The following RNF38 variants were observed in gnomAD, a reference collection of about 807,000 sequenced individuals.
The protein encoded by RNF38 is E3 ubiquitin-protein ligase RNF38.
In RNF38, 15 loss-of-function variants were observed where a neutral mutation model predicts 67.2. The observed-to-expected ratio is 0.22, with a 90% CI of 0.15 to 0.34. The LOEUF (loss-of-function observed/expected upper bound fraction) is 0.34, where lower values mean the gene tolerates loss of function less well. Ranked by LOEUF, RNF38 falls within the 10% of genes least tolerant of loss-of-function variation. The probability of loss-of-function intolerance (pLI) is 1.00; values close to 1 mark genes in which losing one functional copy is unlikely to be tolerated. For synonymous variants in RNF38, 220 were observed against 218.8 expected (o/e 1.01, Z -0.05); for missense variants, 524 against 639.9 (o/e 0.82, Z 1.95).
chr9:36,344,715 G>A (rs570866000), intron 10 of RNF38, 117 bp downstream of exon 10: 1 of 931,110 alleles, frequency 1.1e-6, no homozygotes, highest in African/African-American at 1.7e-5. Context: ...TGACTCCTAA[G>A]CATTTTCTTT....
chr9:36,350,810 C>T (rs1209511413), intron 9 of RNF38, among the ~76,000 whole-genome samples: 2 of 152,168 alleles, frequency 1.3e-5, no homozygotes, highest in Non-Finnish European at 2.9e-5. Flanking sequence ...AAGTGTTTAC[C>T]TAATACATGT....
chr9:36,475,748 T>C (rs1178726700), intron 1 of RNF38, among the ~76,000 whole-genome samples: 2 of 148,602 alleles, frequency 1.3e-5, no homozygotes, highest in East Asian at 2.1e-4. Context: ...CCGGGTGCGG[T>C]GGCTCACGCC....
At chr9:36,359,299 C>T (rs1587500782) in intron 4 of RNF38, among the ~76,000 whole-genome samples, 1 of 151,028 alleles carries the variant, frequency 6.6e-6, no homozygotes, top group Non-Finnish European at 1.5e-5. Flanking sequence ...TTAAATGTAG[C>T]CAGAGTGTAG....
At chr9:36,390,295 T>C (rs1587588972) in intron 2 of RNF38, among the ~76,000 whole-genome samples, 172 bp downstream of exon 2, 2 of 152,166 alleles carry the variant, frequency 1.3e-5, no homozygotes, top group South Asian at 2.1e-4. Flanking sequence ...AGACAAACAT[T>C]AGTCAGAAAA....
At chr9:36,348,530 G>A (rs925379293) in intron 9 of RNF38, among the ~76,000 whole-genome samples, 6 of 152,072 alleles carry the variant, frequency 3.9e-5, no homozygotes, top group Non-Finnish European at 7.4e-5. Flanking sequence ...GTGAACGCAC[G>A]AATAAGAAAG....
intron 1 of RNF38, among the ~76,000 whole-genome samples, chr9:36,396,868 CT>C (rs1348888314): frequency 6.6e-6 from 1 of 151,942 alleles, no homozygotes; most frequent in African/African-American, 2.4e-5. Flanking sequence ...TGTTACTACC[CT>C]TTGAGATCCA....
chr9:36,378,057 A>G (rs1196036010), intron 2 of RNF38, among the ~76,000 whole-genome samples: 1 of 151,330 alleles, frequency 6.6e-6, no homozygotes, highest in Non-Finnish European at 1.5e-5. Flanking sequence ...AAATATTCTG[A>G]TTTTTTTTAA....
At chr9:36,410,891 G>T (rs1367311242) in intron 2 of RNF38, among the ~76,000 whole-genome samples, 1 of 152,152 alleles carries the variant, frequency 6.6e-6, no homozygotes, top group East Asian at 1.9e-4. Context: ...GCAATGAGGA[G>T]TTATTGTTTA....
chr9:36,397,254 C>A (rs1300349639), intron 1 of RNF38, among the ~76,000 whole-genome samples: 1 of 151,930 alleles, frequency 6.6e-6, no homozygotes, highest in East Asian at 1.9e-4. Context: ...TAGCGGATTA[C>A]AGGTGCTGGT....
chr9:36,339,704 T>C lies in RNF38; in HGVS notation c.*48A>G. 4 of 1,446,366 alleles carry C rather than the reference T, an allele frequency of 2.8e-6. No homozygotes were observed. The highest frequency in any genetic ancestry group is 2.8e-5 in the African/African-American group (2 of 71,672). 89.6% of individuals were successfully genotyped at this position (1,446,366 alleles called of 1,614,324 possible). The stretch of plus-strand genomic sequence containing the variant: ...TTAAGTTCAATGGATAGTCCGTATA[T>C]ACATGTGATGAGGAACACCCAAACT... On this transcript the variant is annotated 3_prime_UTR_variant, in exon 12 of 12. Coordinates refer to ENST00000259605, the MANE Select transcript of RNF38 (RefSeq NM_022781.5).
chr9:36,473,843 C>T (rs1235822088), intron 1 of RNF38, among the ~76,000 whole-genome samples: 4 of 150,950 alleles, frequency 2.6e-5, no homozygotes, highest in African/African-American at 7.3e-5. Flanking sequence ...AAAAATTAGC[C>T]GGGCGTGGTG....
chr9:36,487,092 G>A (rs556186460), intron 1 of RNF38, among the ~76,000 whole-genome samples: 2 of 152,148 alleles, frequency 1.3e-5, no homozygotes, highest in Non-Finnish European at 2.9e-5. Context: ...TGCACACCCT[G>A]GGGGAGGGGG....
At chr9:36,357,752 T>A in intron 5 of RNF38, 23 bp downstream of exon 5, 2 of 1,596,410 alleles carry the variant, frequency 1.3e-6, no homozygotes, top group Non-Finnish European at 1.7e-6. Context: ...TAATATCTAA[T>A]GAGAACAAAG....
intron 1 of RNF38, among the ~76,000 whole-genome samples, chr9:36,441,468 A>T (rs1176316257): frequency 6.6e-6 from 1 of 151,956 alleles, no homozygotes; most frequent in African/African-American, 2.4e-5. Flanking sequence ...CTGGGATTAC[A>T]GGCACGCGCC....
At chr9:36,400,909 G>A (rs1328814305), upstream of RNF38, 12 of 403,874 alleles carry the variant, frequency 3.0e-5, no homozygotes, top group Non-Finnish European at 3.2e-5. Flanking sequence ...TCCCCGCCCC[G>A]CCGCGCCCCG....
chr9:36,417,709 C>A (rs1838512255), intron 2 of RNF38, among the ~76,000 whole-genome samples: 1 of 152,122 alleles, frequency 6.6e-6, no homozygotes, highest in African/African-American at 2.4e-5. Context: ...CAGGGTTTCA[C>A]CATGTTGGCC....
exon 1 of RNF38, chr9:36,487,385 C>T: frequency 1.0e-6 from 1 of 982,938 alleles, no homozygotes; most frequent in South Asian, 4.5e-5. Context: ...AGGGCTGAGG[C>T]GGTCCGTGGC....
Position 36,376,134 on chromosome 9 carries a change from A to G in RNF38, c.163-7T>C, listed in dbSNP as rs2133854821. On this transcript the variant is annotated splice_region_variant and splice_polypyrimidine_tract_variant and intron_variant, in intron 2 of 11. Coordinates refer to ENST00000259605, the MANE Select transcript of RNF38 (RefSeq NM_022781.5). ...GACTTGGACTATCTTCACTCTGCCA[A>G]TGCAACAAAATGGATCAACTGAGTA... 2.6e-6 allele frequency: 4 copies of G among 1,546,558 alleles called. No individual in the cohort carries two copies. The highest frequency in any genetic ancestry group is 3.5e-6 in the Non-Finnish European group (4 of 1,151,654).
At chr9:36,481,794 TC>T (rs1279513537) in intron 1 of RNF38, among the ~76,000 whole-genome samples, 1 of 151,574 alleles carries the variant, frequency 6.6e-6, no homozygotes, top group Non-Finnish European at 1.5e-5. Context: ...TGGTTTGTAC[TC>T]CCCCCTCCTC....
Sources: gnomAD v4.1 joint callset for allele counts (sites outside exome capture counted in the v4.1 genomes callset) on GRCh38, gnomAD v4.1.1 for gene constraint, MANE v1.5 for transcripts, NCBI Gene and HGNC (gene_info 2026-07-23, HGNC 2026-07-21) for gene names.